RAD21L1: variants seen among roughly 807,000 people sequenced by gnomAD.
RAD21L1 encodes double-strand-break repair protein rad21-like protein 1.
A neutral mutation model predicts 69.0 loss-of-function variants in RAD21L1; 47 were observed. The observed-to-expected ratio is 0.68, with a 90% CI of 0.54 to 0.87. The LOEUF is 0.87. Ranked by LOEUF, RAD21L1 falls within the 40% of genes least tolerant of loss-of-function variation. The pLI is 0.00. For missense variants in RAD21L1, 583 were observed against 647.6 expected (o/e 0.90, Z 1.08); for synonymous variants, 177 against 205.8 (o/e 0.86, Z 1.20).
At chr20:1,229,804 G>T in intron 2 of RAD21L1, 76 bp from the exon 3 acceptor site, 1 of 1,112,900 alleles carries the variant, frequency 9.0e-7, no homozygotes, top group Non-Finnish European at 1.2e-6. Context: ...CAATTCTTAC[G>T]ATGTCAGTAA....
intron 1 of RAD21L1, among the ~76,000 whole-genome samples, chr20:1,227,017 C>T (rs1016478404): frequency 6.6e-6 from 1 of 152,200 alleles, no homozygotes. Context: ...TCGAGCGATT[C>T]TCCTGCCTCA....
chr20:1,227,720 CTTTGT>C (rs760813145), intron 1 of RAD21L1, among the ~76,000 whole-genome samples: 63 of 152,294 alleles, frequency 4.1e-4, no homozygotes, highest in Admixed American at 2.8e-3. Context: ...AATTCCTTCT[CTTTGT>C]TTTAAGTGAA....
chr20:1,243,689 T>C (rs754689123), intron 10 of RAD21L1, among the ~76,000 whole-genome samples: 1 of 152,120 alleles, frequency 6.6e-6, no homozygotes, highest in African/African-American at 2.4e-5. Context: ...ATAAAACCAA[T>C]TGATGTGATG....
chr20:1,226,339 C>G (rs1243528341), intron 1 of RAD21L1, 199 bp downstream of exon 1: 2 of 152,210 alleles, frequency 1.3e-5, no homozygotes, highest in Non-Finnish European at 2.9e-5. Context: ...GGAGGCGCGA[C>G]CCGGGGTCTC....
At chr20:1,237,177 A>G (rs1049476067) in intron 5 of RAD21L1, among the ~76,000 whole-genome samples, 3 of 152,158 alleles carry the variant, frequency 2.0e-5, no homozygotes, top group African/African-American at 7.2e-5. Context: ...AGGGAGGAGA[A>G]GACTAACCTT....
intron 6 of RAD21L1, 35 bp downstream of exon 6, chr20:1,238,249 A>T: frequency 7.4e-7 from 1 of 1,347,928 alleles, no homozygotes; most frequent in Non-Finnish European, 9.9e-7. Flanking sequence ...TAAAATATTT[A>T]TTTTCATCAA....
chr20:1,247,167 A>G (rs1025709115), intron 12 of RAD21L1, among the ~76,000 whole-genome samples: 3 of 152,156 alleles, frequency 2.0e-5, no homozygotes, highest in East Asian at 1.9e-4. Flanking sequence ...GATGCAGGTT[A>G]TTTTCATACA....
chr20:1,245,060 T>C (rs556740667), intron 11 of RAD21L1, among the ~76,000 whole-genome samples: 11 of 152,320 alleles, frequency 7.2e-5, no homozygotes, highest in Non-Finnish European at 8.8e-5. Flanking sequence ...GTTTAGTTTA[T>C]GATTTTTTGG....
chr20:1,250,067 C>T (rs1031903848), intron 13 of RAD21L1, among the ~76,000 whole-genome samples: 5 of 144,008 alleles, frequency 3.5e-5, no homozygotes, highest in Admixed American at 2.1e-4. Context: ...CAAGTGTTCT[C>T]ATTGTTCAAT....
chr20:1,236,191 T>C (rs1038308813), intron 5 of RAD21L1, among the ~76,000 whole-genome samples: 3 of 152,220 alleles, frequency 2.0e-5, no homozygotes, highest in Non-Finnish European at 2.9e-5. Flanking sequence ...GCCAGTGATA[T>C]AGTTCACCAG....
intron 13 of RAD21L1, among the ~76,000 whole-genome samples, chr20:1,249,368 T>C (rs1300080445): frequency 6.6e-6 from 1 of 152,206 alleles, no homozygotes; most frequent in Non-Finnish European, 1.5e-5. Context: ...GTTATATTTG[T>C]AATAGTTATG....
At chr20:1,233,168 G>A (rs2087426296) in intron 4 of RAD21L1, among the ~76,000 whole-genome samples, 2 of 152,044 alleles carry the variant, frequency 1.3e-5, no homozygotes, top group Admixed American at 6.6e-5. Flanking sequence ...ACACAATATC[G>A]AAGGGAGTAG....
At chr20:1,238,318 G>C (rs573595388) in intron 6 of RAD21L1, 104 bp downstream of exon 6, 1 of 842,656 alleles carries the variant, frequency 1.2e-6, no homozygotes, top group African/African-American at 1.7e-5. Context: ...ATATGTTTTT[G>C]TGTTATGTAG....
At position 1,246,636 on chromosome 20, in the gene RAD21L1, GA is replaced by G. The variant is rs2087723830; in HGVS notation, c.1401+333del. Among the ~76,000 whole-genome samples the G allele has an allele frequency of 7.3e-6, 1 of 137,122 alleles. No homozygotes were observed. Among genetic ancestry groups the G allele is most frequent in the Non-Finnish European group, 1.7e-5 (1 of 57,726 alleles). The allele number at this position is 137,122 out of a possible 152,430, so 90.0% of individuals were successfully genotyped here. A position where few individuals can be genotyped will look rare whatever the true frequency, so the allele number is the denominator to read the frequency against. On this transcript the variant is annotated intron_variant, in intron 12 of 13. Coordinates refer to ENST00000683101, the MANE Select transcript of RAD21L1 (RefSeq NM_001384355.1). This position sits in a 1 kb window ranked among gnomAD's most constrained non-coding sequence, Gnocchi z 4.6. ...TTGATATAACATCTCTAAAGAAACA[GA>G]ACTATATTAAGAGTATGGCCTAGGG...
chr20:1,250,885 G>A (rs2087814228), intron 13 of RAD21L1, among the ~76,000 whole-genome samples: 1 of 151,750 alleles, frequency 6.6e-6, no homozygotes, highest in Non-Finnish European at 1.5e-5. Flanking sequence ...GTATCTCTCT[G>A]GGAGCTCACC....
intron 5 of RAD21L1, among the ~76,000 whole-genome samples, 166 bp from the exon 6 acceptor site, chr20:1,237,878 T>C (rs1419204834): frequency 6.6e-6 from 1 of 152,226 alleles, no homozygotes; most frequent in Non-Finnish European, 1.5e-5. Context: ...TCTCTACTGA[T>C]TGAGTGACCT....
chr20:1,244,287 G>GCAAAACA, intron 11 of RAD21L1, 117 bp downstream of exon 11: 2 of 746,242 alleles, frequency 2.7e-6, no homozygotes, highest in Non-Finnish European at 4.0e-6. Flanking sequence ...ATTTTAAATT[G>GCAAAACA]TTTTGCAATT....
At chr20:1,241,926 A>G (rs910680509) in intron 8 of RAD21L1, among the ~76,000 whole-genome samples, 6 of 152,166 alleles carry the variant, frequency 3.9e-5, no homozygotes, top group African/African-American at 9.7e-5. Flanking sequence ...GTGAAATCCT[A>G]TGGACCTAGT....
rs1156512204 is a variant in RAD21L1 at position 1,240,284 on chromosome 20, T to C, written c.743-37T>C. 3.3e-6 allele frequency: 5 copies of C among 1,507,496 alleles called. No individual in the cohort carries two copies. In the South Asian group the frequency reaches 5.3e-5, roughly 16 times the overall value. 93.4% of individuals were successfully genotyped at this position (1,507,496 alleles called of 1,614,324 possible). ...GTCCTCTAGCCTGCATCCTAACTGG[T>C]TTTTTTTACAATTACTTTTATGTGG... On this transcript the variant is annotated intron_variant, in intron 7 of 13. Coordinates refer to ENST00000683101, the MANE Select transcript of RAD21L1 (RefSeq NM_001384355.1).
Sources: gnomAD v4.1 joint callset for allele counts (sites outside exome capture counted in the v4.1 genomes callset) on GRCh38, gnomAD v4.1.1 for gene constraint, Gnocchi (gnomAD v3.1) non-coding constraint, MANE v1.5 for transcripts, NCBI Gene and HGNC (gene_info 2026-07-23, HGNC 2026-07-21) for gene names.